API5: variants seen among roughly 807,000 people sequenced by gnomAD.
The protein encoded by API5 is apoptosis inhibitor 5.
Under a neutral mutation model 71.9 loss-of-function variants are expected in API5, and 6 were observed. That is an observed-to-expected ratio of 0.08 (90% CI 0.05 to 0.16). API5 has a LOEUF of 0.16. Among genes scored for constraint, API5 ranks in the 10% least tolerant of loss-of-function variants. The pLI is 1.00. For missense variants in API5, 332 were observed against 612.8 expected (o/e 0.54, Z 4.84); for synonymous variants, 189 against 221.3 (o/e 0.85, Z 1.30).
At chr11:43,323,143 T>C (rs1854952098) in intron 5 of API5, among the ~76,000 whole-genome samples, 1 of 152,150 alleles carries the variant, frequency 6.6e-6, no homozygotes, top group Non-Finnish European at 1.5e-5. Context: ...GAAATTTTAA[T>C]GCCACATATA....
chr11:43,320,954 T>C (rs1364344456), intron 3 of API5, 40 bp downstream of exon 3: 1 of 1,507,100 alleles, frequency 6.6e-7, no homozygotes, highest in Non-Finnish European at 9.2e-7. Flanking sequence ...TAAATATATA[T>C]CTTCTTTCTG....
chr11:43,329,767 C>A (rs944648452), intron 9 of API5, among the ~76,000 whole-genome samples, 198 bp from the exon 10 acceptor site: 5 of 152,126 alleles, frequency 3.3e-5, no homozygotes, highest in Non-Finnish European at 7.4e-5. Flanking sequence ...TGTTACTGTC[C>A]TGTACTGTGT....
At position 43,312,219 on chromosome 11, in the gene API5, C is replaced by A. The variant is rs374204661; in HGVS notation, c.69+23C>A. On this transcript the variant is annotated intron_variant, in intron 1 of 13. Coordinates refer to ENST00000531273, the MANE Select transcript of API5 (RefSeq NM_001142930.2). ...CAGGTGAGTTGAGTCCCCGGGCGGCCTGCAGGGCCTGGCGCTCCGCGGCCT... is the reference window on the plus strand; with the variant it reads ...CAGGTGAGTTGAGTCCCCGGGCGGCATGCAGGGCCTGGCGCTCCGCGGCCT... 2.5e-6 allele frequency: 4 copies of A among 1,611,274 alleles called. No individual in the cohort carries two copies. The African/African-American group carries it at 5.3e-5, about 22-fold the overall frequency.
chr11:43,326,710 A>G, intron 7 of API5, 99 bp downstream of exon 7: 2 of 702,738 alleles, frequency 2.8e-6, no homozygotes, highest in South Asian at 3.7e-5. Flanking sequence ...GGAGCAGTTT[A>G]AATGTCTGGT....
intron 6 of API5, among the ~76,000 whole-genome samples, chr11:43,324,906 T>A (rs140718850): frequency 5.9e-5 from 9 of 152,156 alleles, no homozygotes; most frequent in African/African-American, 2.2e-4. Flanking sequence ...CTCGCACTCC[T>A]GAGTTCAGGC....
intron 6 of API5, 85 bp downstream of exon 6, chr11:43,323,721 C>T (rs1854972637): frequency 2.4e-6 from 3 of 1,237,952 alleles, no homozygotes; most frequent in Non-Finnish European, 3.4e-6. Context: ...TTAAACCTTT[C>T]CAGTAGTGTC....
At chr11:43,320,741 A>C in intron 2 of API5, 80 bp from the exon 3 acceptor site, 1 of 1,275,742 alleles carries the variant, frequency 7.8e-7, no homozygotes, top group Non-Finnish European at 1.1e-6. Context: ...TAAAAAAAAA[A>C]AAAAGAAAGA....
rs754603433 is a variant in API5 at position 43,323,416 on chromosome 11, T to C, written c.544-14T>C. Reference sequence around the variant, plus strand: ...TGATGAACATACTCTTATTCTGAATTGTCTCTTTTCCAGGTCCTAGAAGAT... The same window carrying C: ...TGATGAACATACTCTTATTCTGAATCGTCTCTTTTCCAGGTCCTAGAAGAT... On this transcript the variant is annotated splice_polypyrimidine_tract_variant and intron_variant, in intron 5 of 13. Transcript: ENST00000531273. 1.3e-6 allele frequency: 2 copies of C among 1,599,610 alleles called. No homozygotes were observed. The highest frequency in any genetic ancestry group is 1.7e-5 in the Admixed American group (1 of 59,992).
intron 1 of API5, among the ~76,000 whole-genome samples, chr11:43,317,414 G>A (rs1023545526): frequency 9.9e-5 from 15 of 151,932 alleles, no homozygotes; most frequent in Non-Finnish European, 2.1e-4. Context: ...AGCTTTGAGT[G>A]TATTGTTCCA....
chr11:43,323,882 T>G (rs905302371), intron 6 of API5, among the ~76,000 whole-genome samples: 1 of 152,182 alleles, frequency 6.6e-6, no homozygotes, highest in African/African-American at 2.4e-5. Flanking sequence ...AGCATCACAT[T>G]GGTGCTCAAA....
chr11:43,337,447 CAG>C (rs1384510001), intron 13 of API5, among the ~76,000 whole-genome samples: 1 of 152,100 alleles, frequency 6.6e-6, no homozygotes, highest in Non-Finnish European at 1.5e-5. Flanking sequence ...TCTGAACAAA[CAG>C]ATTATATAGA....
At chr11:43,328,597 T>G in intron 8 of API5, 115 bp from the exon 9 acceptor site, 1 of 890,456 alleles carries the variant, frequency 1.1e-6, no homozygotes, top group Non-Finnish European at 1.7e-6. Context: ...ATGTCTGGTT[T>G]TGGTAGTTTT....
chr11:43,320,805 T>G lies in API5; in HGVS notation c.232-16T>G. 1 of 1,602,618 alleles carries G rather than the reference T, an allele frequency of 6.2e-7. No individual in the cohort carries two copies. Among genetic ancestry groups the G allele is most frequent in the Non-Finnish European group, 8.5e-7 (1 of 1,173,842 alleles). ...GTGATAGTATTTGGTTAATTTTTGTTTGAAATCATGCCCAGATTCGACGTC... is the reference window on the plus strand; with the variant it reads ...GTGATAGTATTTGGTTAATTTTTGTGTGAAATCATGCCCAGATTCGACGTC... On this transcript the variant is annotated splice_polypyrimidine_tract_variant and intron_variant, in intron 2 of 13. Transcript: ENST00000531273.
At chr11:43,336,840 C>T (rs1403233242) in intron 13 of API5, among the ~76,000 whole-genome samples, 1 of 151,742 alleles carries the variant, frequency 6.6e-6, no homozygotes, top group Non-Finnish European at 1.5e-5. Flanking sequence ...AACCCCGTCT[C>T]TACTAAAAAT....
intron 12 of API5, 41 bp downstream of exon 12, chr11:43,335,395 C>T (rs1855399130): frequency 7.8e-7 from 1 of 1,286,404 alleles, no homozygotes. Flanking sequence ...GTTATCAAAA[C>T]TTAATACGAG....
intron 2 of API5, among the ~76,000 whole-genome samples, chr11:43,320,391 AT>A (rs1015216396): frequency 3.3e-5 from 5 of 151,698 alleles, no homozygotes; most frequent in African/African-American, 1.2e-4. Flanking sequence ...GCTGTTTCAT[AT>A]TTTTGTGACT....
chr11:43,322,240 A>G, intron 5 of API5, 104 bp downstream of exon 5: 1 of 1,124,364 alleles, frequency 8.9e-7, no homozygotes, highest in Non-Finnish European at 1.2e-6. Flanking sequence ...ATAAAATGAT[A>G]TATCATATAT....
chr11:43,328,829 C>G lies in API5; in HGVS notation c.1063C>G (p.Arg355Gly), dbSNP rs1392548523. The change falls in exon 9 of 14, where the codon CGA becomes GGA. Residue 355 changes from arginine (R) to glycine (G), a missense_variant. Transcript: ENST00000531273. The part of the protein sequence containing the change: ...CLLYSFHQLG[R>G]KLPDFLTAKL... ...GTTGTACAGTTTTCACCAGTTGGGC[C>G]GAAAACTTCCAGATTTCTTAACAGC... is the stretch of plus-strand genomic sequence containing the variant. 1 of 1,613,916 alleles carries G rather than the reference C, an allele frequency of 6.2e-7. No homozygotes were observed. The highest frequency in any genetic ancestry group is 1.3e-5 in the African/African-American group (1 of 74,924).
chr11:43,329,591 G>A (rs1838113495), intron 9 of API5, among the ~76,000 whole-genome samples: 2 of 152,162 alleles, frequency 1.3e-5, no homozygotes, highest in African/African-American at 4.8e-5. Context: ...GCAAATAGTA[G>A]GTATTAGTAA....
Sources: allele counts gnomAD v4.1 joint callset (sites outside exome capture counted in the v4.1 genomes callset), GRCh38; gene constraint gnomAD v4.1.1; transcripts MANE v1.5; gene names NCBI Gene and HGNC (gene_info 2026-07-23, HGNC 2026-07-21).